PDE4D: variants seen among roughly 807,000 people sequenced by gnomAD.
PDE4D encodes 3',5'-cyclic-AMP phosphodiesterase 4D.
PDE4D carries 24 observed loss-of-function variants against 87.4 expected under a neutral mutation model. The observed-to-expected ratio is 0.27, with a 90% CI of 0.20 to 0.39. The LOEUF is 0.39. Among genes scored for constraint, PDE4D ranks in the 10% least tolerant of loss-of-function variants. The pLI is 1.00. For synonymous variants in PDE4D, 384 were observed against 383.2 expected, an observed-to-expected ratio of 1.00 and a Z score of -0.02; for missense variants, 714 against 1,041.0, an observed-to-expected ratio of 0.69 and a Z score of 4.32.
chr5:59,604,699 C>A (rs751869590), intron 1 of PDE4D, among the ~76,000 whole-genome samples: 30 of 152,026 alleles, frequency 2.0e-4, no homozygotes, highest in Admixed American at 3.9e-4. Context: ...AAAAATAAAT[C>A]AAACTACAAT....
intron 1 of PDE4D, among the ~76,000 whole-genome samples, chr5:59,397,924 A>G (rs199737808): frequency 0.082 from 5,399 of 66,040 alleles, 39 homozygotes; most frequent in Non-Finnish European, 0.098. Context: ...ACAGAAATAC[A>G]AACTACCATC....
chr5:59,466,384 G>C (rs1331856484), intron 1 of PDE4D, among the ~76,000 whole-genome samples: 1 of 152,174 alleles, frequency 6.6e-6, no homozygotes, highest in Non-Finnish European at 1.5e-5. Flanking sequence ...CTCTTCACTG[G>C]GTAATTATTT....
At chr5:59,357,020 G>A (rs1781490904) in intron 1 of PDE4D, 1 of 700,006 alleles carries the variant, frequency 1.4e-6, no homozygotes, top group South Asian at 3.7e-5. Flanking sequence ...AGGCAGGGCT[G>A]GAAGGGATGG....
intron 1 of PDE4D, among the ~76,000 whole-genome samples, chr5:60,505,607 C>T (rs929651526): frequency 1.3e-5 from 2 of 152,200 alleles, no homozygotes; most frequent in African/African-American, 4.8e-5. Context: ...ATTTACAAGG[C>T]TCAGTGCTGA....
intron 3 of PDE4D, among the ~76,000 whole-genome samples, chr5:59,966,249 T>G (rs1288199701): frequency 6.6e-6 from 1 of 152,216 alleles, no homozygotes; most frequent in African/African-American, 2.4e-5. Flanking sequence ...CTTCAAATCC[T>G]ATTATGCTTC....
chr5:60,187,053 T>A (rs1479137211), intron 1 of PDE4D, among the ~76,000 whole-genome samples: 1 of 152,080 alleles, frequency 6.6e-6, no homozygotes, highest in East Asian at 1.9e-4. Context: ...GCTAAGAATA[T>A]CTCTGGATGC....
intron 3 of PDE4D, among the ~76,000 whole-genome samples, chr5:59,926,181 T>C (rs1755252771): frequency 1.3e-5 from 2 of 151,746 alleles, no homozygotes; most frequent in Admixed American, 6.6e-5. Context: ...CTGACCACAA[T>C]AGAACAAAAC....
intron 1 of PDE4D, among the ~76,000 whole-genome samples, chr5:60,433,145 C>T (rs1561251934): frequency 6.6e-6 from 1 of 152,064 alleles, no homozygotes; most frequent in African/African-American, 2.4e-5. Flanking sequence ...AAATAGACAA[C>T]CTACAGGATG....
chr5:60,178,192 A>C (rs1308715466), intron 2 of PDE4D, among the ~76,000 whole-genome samples: 1 of 152,198 alleles, frequency 6.6e-6, no homozygotes, highest in African/African-American at 2.4e-5. Flanking sequence ...GTTTTAACTT[A>C]CGTCTATTCT....
intron 1 of PDE4D, among the ~76,000 whole-genome samples, chr5:59,767,937 C>T (rs182530715): frequency 3.9e-5 from 6 of 152,126 alleles, no homozygotes; most frequent in Admixed American, 2.6e-4. Context: ...AAAGAAACGC[C>T]ACTACGTACG....
At chr5:59,797,659 C>G (rs1261413822) in intron 1 of PDE4D, among the ~76,000 whole-genome samples, 1 of 152,070 alleles carries the variant, frequency 6.6e-6, no homozygotes, top group African/African-American at 2.4e-5. Context: ...ATAGGGGAAG[C>G]CAGCCCTCAC....
intron 1 of PDE4D, among the ~76,000 whole-genome samples, chr5:60,363,069 C>T (rs1038025064): frequency 2.6e-5 from 4 of 152,028 alleles, no homozygotes; most frequent in African/African-American, 7.2e-5. Context: ...ATTGGAAAAG[C>T]ATTTATCAGC....
intron 1 of PDE4D, among the ~76,000 whole-genome samples, chr5:60,476,880 A>G (rs1055566005): frequency 6.6e-6 from 1 of 152,152 alleles, no homozygotes; most frequent in Admixed American, 6.5e-5. Flanking sequence ...GTATTCACAC[A>G]TTTGTTTAAT....
chr5:59,382,581 T>A (rs558688493), intron 1 of PDE4D, among the ~76,000 whole-genome samples: 1 of 152,300 alleles, frequency 6.6e-6, no homozygotes, highest in Admixed American at 6.5e-5. Context: ...GGGCTGGCAG[T>A]GACATTCTCT....
At chr5:60,302,291 C>G (rs920029642) in intron 1 of PDE4D, among the ~76,000 whole-genome samples, 9 of 152,256 alleles carry the variant, frequency 5.9e-5, no homozygotes, top group South Asian at 4.1e-4. Context: ...GTTAATCCAT[C>G]TAGTCCAGGG....
intron 2 of PDE4D, among the ~76,000 whole-genome samples, chr5:60,079,786 G>C (rs942597697): frequency 6.6e-6 from 1 of 152,210 alleles, no homozygotes; most frequent in Admixed American, 6.5e-5. Context: ...TAGCCTTGCA[G>C]TATAGTTTGA....
intron 5 of PDE4D, among the ~76,000 whole-genome samples, chr5:59,106,131 A>G (rs1374353091): frequency 2.0e-5 from 3 of 152,244 alleles, no homozygotes; most frequent in Admixed American, 6.5e-5. Context: ...CCACCCAGAA[A>G]AATACAGATA....
chr5:58,992,168 T>G (rs940683836), intron 7 of PDE4D, among the ~76,000 whole-genome samples, 164 bp from the exon 8 acceptor site: 9 of 152,216 alleles, frequency 5.9e-5, no homozygotes, highest in Non-Finnish European at 1.0e-4. Flanking sequence ...GAATTGGACT[T>G]AATTTGATGT....
At chr5:59,653,614 G>A (rs1255568888) in intron 1 of PDE4D, among the ~76,000 whole-genome samples, 1 of 152,142 alleles carries the variant, frequency 6.6e-6, no homozygotes, top group East Asian at 1.9e-4. Context: ...AAGGAGGAGA[G>A]AATTCATACT....
Sources: allele counts gnomAD v4.1 joint callset (sites outside exome capture counted in the v4.1 genomes callset), GRCh38; gene constraint gnomAD v4.1.1; transcripts MANE v1.5; gene names NCBI Gene and HGNC (gene_info 2026-07-23, HGNC 2026-07-21).